The following PTPRD variants were observed in gnomAD, a reference collection of about 807,000 sequenced individuals.
The protein encoded by PTPRD is protein tyrosine phosphatase receptor type D.
A neutral mutation model predicts 214.5 loss-of-function variants in PTPRD; 34 were observed. The ratio of observed to expected loss-of-function variants is 0.16; its 90% CI spans 0.12 to 0.21. PTPRD has a LOEUF of 0.21. PTPRD is among the 10% of genes least tolerant of loss of function. PTPRD has a pLI of 1.00. For synonymous variants in PTPRD, 1,128 were observed against 845.7 expected (o/e 1.33, Z -5.79); for missense variants, 2,545 against 2,398.7 (o/e 1.06, Z -1.27).
At chr9:9,248,215 C>T (rs2099973908) in intron 9 of PTPRD, among the ~76,000 whole-genome samples, 1 of 151,972 alleles carries the variant, frequency 6.6e-6, no homozygotes, top group African/African-American at 2.4e-5. Context: ...GCCTAAGCCT[C>T]CCGAGCAGCT....
At chr9:10,196,883 A>C (rs1031767354) in intron 3 of PTPRD, among the ~76,000 whole-genome samples, 3 of 152,092 alleles carry the variant, frequency 2.0e-5, no homozygotes, top group Admixed American at 6.6e-5. Flanking sequence ...GTTTTTATAA[A>C]TGAAAAGCAT....
chr9:9,273,557 A>G (rs1943783473), intron 9 of PTPRD, among the ~76,000 whole-genome samples: 1 of 151,350 alleles, frequency 6.6e-6, no homozygotes. Context: ...TTCTTTAAAA[A>G]CAGAGAACTG....
At chr9:9,880,859 T>C (rs1266736815) in intron 5 of PTPRD, among the ~76,000 whole-genome samples, 2 of 152,194 alleles carry the variant, frequency 1.3e-5, no homozygotes, top group African/African-American at 2.4e-5. Flanking sequence ...TATTTTTTTT[T>C]CCTACTGTCT....
At chr9:8,951,187 A>G (rs2099100185) in intron 11 of PTPRD, among the ~76,000 whole-genome samples, 2 of 140,870 alleles carry the variant, frequency 1.4e-5, no homozygotes, top group South Asian at 2.3e-4. Context: ...AAGAGGAGAA[A>G]CAGAAAGCAA....
intron 10 of PTPRD, among the ~76,000 whole-genome samples, chr9:9,134,907 C>T (rs2099848562): frequency 6.6e-6 from 1 of 152,004 alleles, no homozygotes. Flanking sequence ...ACATAAAAAT[C>T]AGTAGTTATG....
At chr9:9,849,386 C>G (rs1192080394) in intron 5 of PTPRD, among the ~76,000 whole-genome samples, 1 of 152,090 alleles carries the variant, frequency 6.6e-6, no homozygotes, top group African/African-American at 2.4e-5. Flanking sequence ...ATTATCAATG[C>G]TCTCTTTCAG....
At chr9:10,116,682 C>T (rs1259177399) in intron 3 of PTPRD, among the ~76,000 whole-genome samples, 1 of 152,096 alleles carries the variant, frequency 6.6e-6, no homozygotes, top group Non-Finnish European at 1.5e-5. Context: ...ATGCACCTGT[C>T]TTAAGCAGGA....
chr9:10,281,942 T>C (rs1345152328), intron 3 of PTPRD, among the ~76,000 whole-genome samples: 1 of 151,416 alleles, frequency 6.6e-6, no homozygotes, highest in Non-Finnish European at 1.5e-5. Flanking sequence ...TTATCTTTCA[T>C]GATTATAAAA....
chr9:8,532,375 G>A (rs2075932285), intron 14 of PTPRD, among the ~76,000 whole-genome samples: 1 of 151,980 alleles, frequency 6.6e-6, no homozygotes. Context: ...ATTTATTAGT[G>A]ATTTATATAA....
chr9:9,694,278 C>A (rs1415745422), intron 7 of PTPRD, among the ~76,000 whole-genome samples: 1 of 151,574 alleles, frequency 6.6e-6, no homozygotes, highest in Non-Finnish European at 1.5e-5. Flanking sequence ...TCTTGAACCC[C>A]AAGCATAATC....
intron 3 of PTPRD, among the ~76,000 whole-genome samples, chr9:10,124,820 AT>A (rs896685901): frequency 6.6e-6 from 1 of 152,172 alleles, no homozygotes; most frequent in Non-Finnish European, 1.5e-5. Context: ...AGAATACAAA[AT>A]TTTTCTGAAA....
chr9:8,491,549 G>T (rs192546858), intron 27 of PTPRD, among the ~76,000 whole-genome samples: 2 of 151,126 alleles, frequency 1.3e-5, no homozygotes, highest in Non-Finnish European at 2.9e-5. Flanking sequence ...TGTTGTTGAC[G>T]TTCTAACAGA....
intron 5 of PTPRD, among the ~76,000 whole-genome samples, chr9:9,866,154 A>T (rs1489022420): frequency 1.3e-5 from 2 of 152,214 alleles, no homozygotes; most frequent in African/African-American, 4.8e-5. Flanking sequence ...ATTTTCTAAA[A>T]TATGTCTAAG....
intron 6 of PTPRD, among the ~76,000 whole-genome samples, chr9:9,758,158 A>AAAAAAAAAAG (rs1342860038): frequency 1.4e-5 from 2 of 147,588 alleles, no homozygotes; most frequent in African/African-American, 5.0e-5. Context: ...CAAAAAAAAA[A>AAAAAAAAAAG]AAAAATTGTA....
rs189351364 is a variant in PTPRD, at chr9:8,582,120, C to T, written c.352+51197G>A. ...GGTAATGACAAATCAGAAAAAAGCT[C>T]GGACATAAGTAGGGAAATCTGCTAT... On this transcript the variant is annotated intron_variant, in intron 14 of 45. Coordinates refer to ENST00000381196, the MANE Select transcript of PTPRD (RefSeq NM_002839.4). Among the ~76,000 whole-genome samples, 87 of 151,970 alleles carry T rather than the reference C, an allele frequency of 5.7e-4. No individual in the cohort carries two copies. In the East Asian group the frequency reaches 0.014, roughly 25 times the overall value.
chr9:8,705,404 G>A (rs1043707651), intron 12 of PTPRD, among the ~76,000 whole-genome samples: 1 of 152,102 alleles, frequency 6.6e-6, no homozygotes, highest in Non-Finnish European at 1.5e-5. Context: ...ACCTAAATTT[G>A]TTTTGAAACA....
chr9:8,393,634 C>T (rs2135888275), intron 36 of PTPRD, among the ~76,000 whole-genome samples: 1 of 152,236 alleles, frequency 6.6e-6, no homozygotes, highest in East Asian at 1.9e-4. Flanking sequence ...GAGTCCATGG[C>T]TCTACTGCAT....
intron 2 of PTPRD, among the ~76,000 whole-genome samples, chr9:10,353,259 G>C (rs1450840892): frequency 6.6e-6 from 1 of 151,868 alleles, no homozygotes; most frequent in African/African-American, 2.4e-5. Flanking sequence ...TAGTCCTAAT[G>C]TTCTTACAAA....
intron 7 of PTPRD, among the ~76,000 whole-genome samples, chr9:9,598,170 G>A (rs998959135): frequency 6.6e-6 from 1 of 151,974 alleles, no homozygotes; most frequent in African/African-American, 2.4e-5. Flanking sequence ...CCATGGCACA[G>A]AGGTACAAGA....
Sources: gnomAD v4.1 joint callset for allele counts (sites outside exome capture counted in the v4.1 genomes callset) on GRCh38, gnomAD v4.1.1 for gene constraint, MANE v1.5 for transcripts, NCBI Gene and HGNC (gene_info 2026-07-23, HGNC 2026-07-21) for gene names.